LAMB1: variants seen among roughly 807,000 people sequenced by gnomAD.
The protein encoded by LAMB1 is laminin subunit beta 1.
LAMB1 carries 121 observed loss-of-function variants against 222.3 expected under a neutral mutation model. The ratio of observed to expected loss-of-function variants is 0.54; its 90% CI spans 0.47 to 0.63. The LOEUF is 0.63. Among genes scored for constraint, LAMB1 ranks in the 30% least tolerant of loss-of-function variants. The probability of loss-of-function intolerance (pLI) is 0.00; values close to 1 mark genes in which losing one functional copy is unlikely to be tolerated. For synonymous variants in LAMB1, 794 were observed against 807.2 expected, an observed-to-expected ratio of 0.98 and a Z score of 0.28; for missense variants, 2,172 against 2,240.8, an observed-to-expected ratio of 0.97 and a Z score of 0.62.
intron 32 of LAMB1, 115 bp from the exon 33 acceptor site, chr7:107,924,504 CACTG>C (rs1382078411): frequency 2.5e-5 from 17 of 682,572 alleles, no homozygotes; most frequent in Non-Finnish European, 3.6e-5. Context: ...CAAGGATATT[CACTG>C]GTAAGTAATT....
Position 107,940,415 on chromosome 7 carries a change from GA to G in LAMB1, c.3392-58del, listed in dbSNP as rs2032953891. On this transcript the variant is annotated intron_variant, in intron 24 of 33. Coordinates refer to ENST00000222399, the MANE Select transcript of LAMB1 (RefSeq NM_002291.3). ...ACTTAATCATGAACCTCAGTGACAAGATGTGGCATTTAGAATACTCACTTCA... is the reference window on the plus strand; with the variant it reads ...ACTTAATCATGAACCTCAGTGACAAGTGTGGCATTTAGAATACTCACTTCA... The G allele has an allele frequency of 1.9e-6, 3 of 1,545,966 alleles. 1 individual carries two copies. The South Asian group carries it at 3.6e-5, about 18-fold the overall frequency.
At chr7:107,998,592 A>G (rs2034324176) in intron 3 of LAMB1, 100 bp from the exon 4 acceptor site, 1 of 963,582 alleles carries the variant, frequency 1.0e-6, no homozygotes, top group African/African-American at 1.7e-5. Context: ...AAATCAACCT[A>G]TTAGCTTCAA....
At chr7:107,937,737 GA>G (rs1310795267) in intron 25 of LAMB1, among the ~76,000 whole-genome samples, 1 of 152,126 alleles carries the variant, frequency 6.6e-6, no homozygotes, top group Non-Finnish European at 1.5e-5. Flanking sequence ...ATGCAGAGGG[GA>G]AGCCCTATAG....
Position 107,980,795 on chromosome 7 carries a change from G to T in LAMB1, c.693C>A (p.Thr231=). The part of the protein sequence containing the change: ...SPRIQNLLKI[T]NLRIKFVKLH... ...GTTTCACAAACTTGATTCTCAAGTT[G>T]GTAATTTTTAATAAATCTAGGAAGG... The change falls in exon 8 of 34, where the codon ACC becomes ACA. Residue 231 remains threonine (T), a synonymous_variant. Coordinates refer to ENST00000222399, the MANE Select transcript of LAMB1 (RefSeq NM_002291.3). 1 of 1,600,918 alleles carries T rather than the reference G, an allele frequency of 6.2e-7. No individual in the cohort carries two copies. Among genetic ancestry groups the T allele is most frequent in the Non-Finnish European group, 8.6e-7 (1 of 1,168,718 alleles).
chr7:107,978,768 C>T (rs1389744528), intron 8 of LAMB1, among the ~76,000 whole-genome samples: 1 of 151,814 alleles, frequency 6.6e-6, no homozygotes, highest in Non-Finnish European at 1.5e-5. Flanking sequence ...TATAAGATCT[C>T]GTAAAAGAAA....
At chr7:107,985,120 G>A (rs1176214580) in intron 7 of LAMB1, among the ~76,000 whole-genome samples, 1 of 152,150 alleles carries the variant, frequency 6.6e-6, no homozygotes, top group Non-Finnish European at 1.5e-5. Flanking sequence ...ACAATTACTT[G>A]ATAACCTATC....
chr7:107,932,539 G>GT lies in LAMB1; in HGVS notation c.4189-163dup, dbSNP rs986460617. ...GACAGAATGGAGAGAGGAGCAGAGA[G>GT]TTTAGGAGTAAACTAACCTGCTTAT... is the stretch of plus-strand genomic sequence containing the variant. On this transcript the variant is annotated intron_variant, in intron 27 of 33. Transcript: ENST00000222399. 10 of 646,920 alleles carry GT rather than the reference G, an allele frequency of 1.5e-5. No homozygotes were observed. The African/African-American group carries it at 1.8e-4, about 12-fold the overall frequency. 40.1% of individuals were successfully genotyped at this position (646,920 alleles called of 1,614,324 possible).
At chr7:107,932,742 C>A (rs2395934) in intron 27 of LAMB1, 2 of 268,224 alleles carry the variant, frequency 7.5e-6, no homozygotes, top group Non-Finnish European at 1.4e-5. Context: ...AAAAAAAAAA[C>A]CTATTGTGAA....
At chr7:107,960,241 A>G (rs1376818458) in intron 18 of LAMB1, among the ~76,000 whole-genome samples, 1 of 152,102 alleles carries the variant, frequency 6.6e-6, no homozygotes, top group African/African-American at 2.4e-5. Flanking sequence ...TTATTTGCAT[A>G]TTTCTTGAAT....
intron 27 of LAMB1, 55 bp downstream of exon 27, chr7:107,935,360 T>C: frequency 2.7e-5 from 13 of 473,812 alleles, no homozygotes; most frequent in Non-Finnish European, 3.5e-5. Flanking sequence ...TTTTTTTTTT[T>C]TTTTTTTTTT....
intron 22 of LAMB1, among the ~76,000 whole-genome samples, chr7:107,953,241 C>A (rs2033297895): frequency 6.6e-6 from 1 of 151,874 alleles, no homozygotes; most frequent in South Asian, 2.1e-4. Context: ...CCTGCAATCC[C>A]ACCTACTCGG....
At chr7:107,945,808 A>G (rs571405247) in intron 24 of LAMB1, among the ~76,000 whole-genome samples, 1 of 152,364 alleles carries the variant, frequency 6.6e-6, no homozygotes, top group East Asian at 1.9e-4. Flanking sequence ...GGCACTCAGC[A>G]CGTTCTCTGT....
intron 13 of LAMB1, among the ~76,000 whole-genome samples, chr7:107,970,515 G>T (rs997621629): frequency 7.0e-6 from 1 of 142,044 alleles, no homozygotes; most frequent in Non-Finnish European, 1.5e-5. Context: ...AGGGGGGGGT[G>T]GGCTTCAAGC....
intron 31 of LAMB1, 141 bp downstream of exon 31, chr7:107,928,923 C>G: frequency 1.2e-6 from 1 of 815,522 alleles, no homozygotes; most frequent in East Asian, 2.4e-5. Context: ...AGCATCCATG[C>G]TAACGGAGTA....
At position 107,960,640 on chromosome 7, in the gene LAMB1, T is replaced by C; in HGVS notation, c.2119A>G (p.Met707Val). ...ATGTCCAGTGATTTACAGTATGGCA[T>C]GAGAACAAGCTGTGAAGAAATGAGA... Reference protein sequence around the residue: ...PYTLIDSLVLMPYCKSLDIFT... With the variant: ...PYTLIDSLVLVPYCKSLDIFT... The change falls in exon 18 of 34, where the codon ATG becomes GTG. Residue 707 changes from methionine to valine, a missense_variant. By Grantham distance (21) the Met-to-Val change is conservative (BLOSUM62 1). Transcript: ENST00000222399. 6.2e-7 allele frequency: 1 copy of C among 1,614,180 alleles called. No homozygotes were observed. Among genetic ancestry groups the C allele is most frequent in the South Asian group, 1.1e-5 (1 of 91,088 alleles).
At position 107,995,095 on chromosome 7, in the gene LAMB1, G is replaced by A. The variant is rs2150453310; in HGVS notation, c.350-135C>T. 3 of 561,498 alleles carry A rather than the reference G, an allele frequency of 5.3e-6. No homozygotes were observed. In the Middle Eastern group the frequency reaches 1.4e-3, roughly 269 times the overall value. 34.8% of individuals were successfully genotyped at this position (561,498 alleles called of 1,614,324 possible). A position where few individuals can be genotyped will look rare whatever the true frequency, so the allele number is the denominator to read the frequency against. ...TCCTCGCATTCTACCTTAAGCTGAA[G>A]CTGAAACTAAATAATAATCCCATGG... On this transcript the variant is annotated intron_variant, in intron 4 of 33. Transcript: ENST00000222399.
In LAMB1 at chr7:107,924,104, A is replaced by G; in HGVS notation, c.5225-17T>C. On this transcript the variant is annotated splice_polypyrimidine_tract_variant and intron_variant, in intron 33 of 33. Transcript: ENST00000222399. ...TTTCTAAATCTGTGGGGAGATATAT[A>G]TATATAAAGTCTGAGCAATTTATAC... The G allele has an allele frequency of 6.5e-7, 1 of 1,531,840 alleles. No individual in the cohort carries two copies. The highest frequency in any genetic ancestry group is 8.7e-7 in the Non-Finnish European group (1 of 1,146,454). 94.9% of individuals were successfully genotyped at this position (1,531,840 alleles called of 1,614,324 possible).
chr7:107,992,726 C>T (rs2237706), intron 5 of LAMB1, among the ~76,000 whole-genome samples: 11,481 of 152,162 alleles, frequency 0.075, 534 homozygotes, highest in Non-Finnish European at 0.1. Flanking sequence ...TGAAACCTGC[C>T]TCTACCAAAA....
chr7:107,997,123 T>C (rs2034294527), intron 4 of LAMB1, among the ~76,000 whole-genome samples: 2 of 152,158 alleles, frequency 1.3e-5, no homozygotes, highest in African/African-American at 4.8e-5. Flanking sequence ...CTAGAAAATA[T>C]TGCAATTTAA....
Sources: allele counts gnomAD v4.1 joint callset (sites outside exome capture counted in the v4.1 genomes callset), GRCh38; gene constraint gnomAD v4.1.1; transcripts MANE v1.5; gene names NCBI Gene and HGNC (gene_info 2026-07-23, HGNC 2026-07-21).